EGFLAM: variants seen among roughly 807,000 people sequenced by gnomAD.
The protein encoded by EGFLAM is EGF like, fibronectin type III and laminin G domains.
EGFLAM carries 79 observed loss-of-function variants against 113.1 expected under a neutral mutation model. The observed-to-expected ratio is 0.70, with a 90% CI of 0.58 to 0.84. EGFLAM has a LOEUF of 0.84. EGFLAM is among the 40% of genes least tolerant of loss of function. The pLI is 0.00. For missense variants in EGFLAM, 1,265 were observed against 1,291.6 expected (o/e 0.98, Z 0.32); for synonymous variants, 504 against 487.6 (o/e 1.03, Z -0.44).
At chr5:38,289,995 G>A (rs2111787614) in intron 1 of EGFLAM, among the ~76,000 whole-genome samples, 1 of 152,312 alleles carries the variant, frequency 6.6e-6, no homozygotes, top group South Asian at 2.1e-4. Flanking sequence ...CATTATCTTA[G>A]CTCACAACAG....
intron 1 of EGFLAM, among the ~76,000 whole-genome samples, chr5:38,274,963 GAAGTTA>G (rs1344590507): frequency 2.0e-5 from 3 of 149,698 alleles, no homozygotes; most frequent in Non-Finnish European, 2.9e-5. Context: ...GAGGGGTAGT[GAAGTTA>G]AAGTGTAGAG....
intron 1 of EGFLAM, among the ~76,000 whole-genome samples, chr5:38,294,683 G>A (rs907786206): frequency 6.6e-6 from 1 of 151,978 alleles, no homozygotes; most frequent in African/African-American, 2.4e-5. Flanking sequence ...AAAGGCTATA[G>A]GTTTTACAGG....
intron 17 of EGFLAM, among the ~76,000 whole-genome samples, chr5:38,442,365 A>G (rs1016579384): frequency 2.0e-5 from 3 of 147,816 alleles, no homozygotes; most frequent in African/African-American, 7.3e-5. Flanking sequence ...TTATATTAAC[A>G]TAATATGTTA....
chr5:38,303,429 G>A (rs1481555739), intron 1 of EGFLAM, among the ~76,000 whole-genome samples: 1 of 152,156 alleles, frequency 6.6e-6, no homozygotes. Flanking sequence ...CCTTCAAGGG[G>A]AATTCTTGTT....
In EGFLAM at chr5:38,258,711, G is replaced by A. The variant is rs1757414518; in HGVS notation, c.-44G>A. On this transcript the variant is annotated 5_prime_UTR_variant, in exon 1 of 22. The change creates a new upstream start codon in the 5' untranslated region. Coordinates refer to ENST00000322350, the MANE Select transcript of EGFLAM (RefSeq NM_152403.4). ...GCGCCCCCGGAGACGCCCTTTCCGT[G>A]TGCGCCCGGGACTTGGTGAAACTTT... 1.9e-6 allele frequency: 3 copies of A among 1,574,194 alleles called. No individual in the cohort carries two copies. Among genetic ancestry groups the A allele is most frequent in the Non-Finnish European group, 2.6e-6 (3 of 1,158,058 alleles).
chr5:38,267,978 A>G (rs1383534727), intron 1 of EGFLAM, among the ~76,000 whole-genome samples: 1 of 152,214 alleles, frequency 6.6e-6, no homozygotes, highest in Non-Finnish European at 1.5e-5. Context: ...GTAAGAATCC[A>G]GCAACTCCAG....
At chr5:38,343,070 G>A (rs921587351) in intron 3 of EGFLAM, among the ~76,000 whole-genome samples, 4 of 152,090 alleles carry the variant, frequency 2.6e-5, no homozygotes, top group African/African-American at 4.8e-5. Context: ...GACCAGGGGC[G>A]AAGTCACTGA....
At chr5:38,452,675 AAGG>A (rs757583272) in intron 19 of EGFLAM, among the ~76,000 whole-genome samples, 2 of 152,186 alleles carry the variant, frequency 1.3e-5, no homozygotes, top group Non-Finnish European at 2.9e-5. Flanking sequence ...TAGCTGTGGG[AAGG>A]AGAATCCCTG....
intron 1 of EGFLAM, among the ~76,000 whole-genome samples, chr5:38,316,072 G>C (rs1738586158): frequency 9.7e-6 from 1 of 103,160 alleles, no homozygotes; most frequent in Admixed American, 9.3e-5. Flanking sequence ...GCAAGACTCT[G>C]TCCCAAAAAA....
chr5:38,301,312 T>G (rs1231456467), intron 1 of EGFLAM, among the ~76,000 whole-genome samples: 2 of 152,104 alleles, frequency 1.3e-5, no homozygotes, highest in Non-Finnish European at 2.9e-5. Flanking sequence ...GAGGAGCAAG[T>G]GATCACCTTG....
At chr5:38,431,409 G>A (rs1212501803) in intron 15 of EGFLAM, 121 bp downstream of exon 15, 3 of 914,666 alleles carry the variant, frequency 3.3e-6, no homozygotes, top group Non-Finnish European at 4.9e-6. Context: ...GTGCCTGTGT[G>A]GAAATCCCAG....
At chr5:38,311,210 G>A (rs1012217382) in intron 1 of EGFLAM, among the ~76,000 whole-genome samples, 1 of 152,086 alleles carries the variant, frequency 6.6e-6, no homozygotes, top group Non-Finnish European at 1.5e-5. Flanking sequence ...TATTTGTGGT[G>A]AGAACATTTC....
At chr5:38,444,628 T>A (rs999471656) in intron 17 of EGFLAM, among the ~76,000 whole-genome samples, 13 of 152,162 alleles carry the variant, frequency 8.5e-5, no homozygotes, top group African/African-American at 2.9e-4. Context: ...AGCAAAAAAA[T>A]TAGGTATAGG....
chr5:38,386,546 T>C (rs1740667686), intron 6 of EGFLAM, among the ~76,000 whole-genome samples: 1 of 150,298 alleles, frequency 6.7e-6, no homozygotes, highest in Admixed American at 6.6e-5. Flanking sequence ...CTCGCTCTGT[T>C]GCCAGGCTGG....
At chr5:38,362,511 C>T (rs187971717) in intron 5 of EGFLAM, among the ~76,000 whole-genome samples, 1 of 152,280 alleles carries the variant, frequency 6.6e-6, no homozygotes, top group Admixed American at 6.5e-5. Context: ...AAACAACCCT[C>T]CCTAATCTCC....
At chr5:38,399,571 C>T (rs1192615576) in intron 6 of EGFLAM, among the ~76,000 whole-genome samples, 1 of 152,110 alleles carries the variant, frequency 6.6e-6, no homozygotes, top group African/African-American at 2.4e-5. Context: ...AGCCACTGCA[C>T]CCGGCCCCCA....
chr5:38,462,252 T>C (rs1377759356), intron 20 of EGFLAM, among the ~76,000 whole-genome samples: 1 of 152,230 alleles, frequency 6.6e-6, no homozygotes, highest in Non-Finnish European at 1.5e-5. Context: ...ACTGCTTCAT[T>C]GGCTTCTCAT....
intron 2 of EGFLAM, 143 bp downstream of exon 2, chr5:38,337,772 G>A (rs1461132562): frequency 1.2e-5 from 8 of 694,260 alleles, no homozygotes; most frequent in East Asian, 5.5e-5. Flanking sequence ...GAAATGTCCC[G>A]CTTTGGAGGG....
chr5:38,419,592 G>A (rs1183061880), intron 12 of EGFLAM, among the ~76,000 whole-genome samples: 1 of 152,172 alleles, frequency 6.6e-6, no homozygotes, highest in Non-Finnish European at 1.5e-5. Flanking sequence ...ATGACTCCTA[G>A]AACAGTTTTT....
Sources: gnomAD v4.1 joint callset for allele counts (sites outside exome capture counted in the v4.1 genomes callset) on GRCh38, gnomAD v4.1.1 for gene constraint, MANE v1.5 for transcripts, NCBI Gene and HGNC (gene_info 2026-07-23, HGNC 2026-07-21) for gene names.